TMEM184B: variants seen among roughly 807,000 people sequenced by gnomAD.
The protein encoded by TMEM184B is transmembrane protein 184B.
In TMEM184B, 17 loss-of-function variants were observed where a neutral mutation model predicts 41.8. The ratio of observed to expected loss-of-function variants is 0.41; its 90% CI spans 0.28 to 0.61. TMEM184B has a LOEUF of 0.61. TMEM184B is among the 20% of genes least tolerant of loss of function. The pLI is 0.34. For missense variants in TMEM184B, 393 were observed against 557.8 expected, an observed-to-expected ratio of 0.70 and a Z score of 2.98; for synonymous variants, 240 against 229.5, an observed-to-expected ratio of 1.05 and a Z score of -0.41.
At position 38,220,564 on chromosome 22, in the gene TMEM184B, A is replaced by G; in HGVS notation, c.*905T>C. On this transcript the variant is annotated 3_prime_UTR_variant, in exon 9 of 9. Transcript: ENST00000361906. ...AAGCTGGTCTGAAACGTGGAGACTC[A>G]GACCTTTCCCCTGAAACGGGAGGGA... 1 of 985,954 alleles carries G rather than the reference A, an allele frequency of 1.0e-6. No homozygotes were observed. The highest frequency in any genetic ancestry group is 1.7e-5 in the African/African-American group (1 of 57,360). 61.1% of individuals were successfully genotyped at this position (985,954 alleles called of 1,614,324 possible).
chr22:38,272,834 G>A, intron 1 of TMEM184B, 50 bp downstream of exon 1: 1 of 981,738 alleles, frequency 1.0e-6, no homozygotes, highest in Non-Finnish European at 1.2e-6. Context: ...GCGCTCGGGA[G>A]TCGCAGCTCC....
intron 1 of TMEM184B, among the ~76,000 whole-genome samples, chr22:38,256,609 C>A (rs1357100175): frequency 6.6e-6 from 1 of 152,210 alleles, no homozygotes; most frequent in East Asian, 1.9e-4. Flanking sequence ...TCTTACTACA[C>A]ATTTCATAGA....
At chr22:38,241,253 CTGGT>C (rs1408110024) in intron 3 of TMEM184B, among the ~76,000 whole-genome samples, 2 of 152,128 alleles carry the variant, frequency 1.3e-5, no homozygotes, top group African/African-American at 2.4e-5. Flanking sequence ...GAGAGCAGGG[CTGGT>C]TGGTTGGTTT....
intron 1 of TMEM184B, among the ~76,000 whole-genome samples, chr22:38,254,935 T>G (rs1354487119): frequency 6.8e-6 from 1 of 147,684 alleles, no homozygotes; most frequent in Non-Finnish European, 1.5e-5. Flanking sequence ...CACTGCAACC[T>G]CTACCTCCCG....
chr22:38,257,618 C>T (rs1239594909), intron 1 of TMEM184B, among the ~76,000 whole-genome samples: 1 of 152,090 alleles, frequency 6.6e-6, no homozygotes, highest in African/African-American at 2.4e-5. Context: ...GTTTCTGTAC[C>T]GTCAACAAAG....
chr22:38,244,882 G>C (rs2091989669), intron 3 of TMEM184B, among the ~76,000 whole-genome samples: 1 of 152,228 alleles, frequency 6.6e-6, no homozygotes, highest in African/African-American at 2.4e-5. Flanking sequence ...TCAGAGGCCA[G>C]CTCCCATGAG....
At position 38,247,863 on chromosome 22, in the gene TMEM184B, A is replaced by G. The variant is rs2092071445; in HGVS notation, c.99T>C (p.Thr33=). The G allele has an allele frequency of 1.2e-6, 2 of 1,613,464 alleles. No individual in the cohort carries two copies. Among genetic ancestry groups the G allele is most frequent in the East Asian group, 4.5e-5 (2 of 44,848 alleles). Residue 33 remains threonine (T), a synonymous_variant, in exon 2 of 9, where the codon ACT becomes ACC. Coordinates refer to ENST00000361906, the MANE Select transcript of TMEM184B (RefSeq NM_012264.5). ...SVSVIPEGSP[T]AMEQPVFLMT... ...TCAGGAACACAGGCTGCTCCATGGC[A>G]GTGGGGCTGCCCTCGGGGATCACGG... is the stretch of plus-strand genomic sequence containing the variant.
At chr22:38,246,261 T>C (rs2092028234) in intron 2 of TMEM184B, among the ~76,000 whole-genome samples, 161 bp from the exon 3 acceptor site, 1 of 152,146 alleles carries the variant, frequency 6.6e-6, no homozygotes, top group South Asian at 2.1e-4. Context: ...ATGACAGGAC[T>C]TGCCTCCCAA....
intron 3 of TMEM184B, among the ~76,000 whole-genome samples, chr22:38,237,831 G>A (rs1295332554): frequency 1.4e-5 from 2 of 146,156 alleles, no homozygotes; most frequent in South Asian, 2.1e-4. Flanking sequence ...ACGGAGTTTC[G>A]CTCTTGTTGC....
chr22:38,268,430 G>A (rs1460959478), intron 1 of TMEM184B, among the ~76,000 whole-genome samples: 2 of 150,754 alleles, frequency 1.3e-5, no homozygotes, highest in East Asian at 1.9e-4. Context: ...GTTAGTACCT[G>A]CACCACATTA....
chr22:38,218,568 G>C (rs1166418785), downstream of TMEM184B, among the ~76,000 whole-genome samples: 5 of 152,114 alleles, frequency 3.3e-5, no homozygotes, highest in East Asian at 7.7e-4. Flanking sequence ...CCAGTTGGGC[G>C]AAGGTGCAGG....
At position 38,224,922 on chromosome 22, in the gene TMEM184B, C is replaced by T. The variant is rs370107940; in HGVS notation, c.845G>A (p.Arg282His). 215 of 1,609,748 alleles carry T rather than the reference C, an allele frequency of 1.3e-4. 4 individuals are homozygous for T. The South Asian group carries it at 1.7e-3, about 13-fold the overall frequency. ...CGAIPKIHSA[R>H]VSVGEGTVAA... ...CACGGTGCCCTCGCCCACCGACACG[C>T]GGGCCGAGTGGATTTTGGGGATGGC... is the stretch of plus-strand genomic sequence containing the variant. The change falls in exon 8 of 9, where the codon CGC becomes CAC. Residue 282 changes from arginine to histidine, a missense_variant. Coordinates refer to ENST00000361906, the MANE Select transcript of TMEM184B (RefSeq NM_012264.5).
chr22:38,272,224 G>C (rs775072249), intron 1 of TMEM184B, among the ~76,000 whole-genome samples: 1 of 152,226 alleles, frequency 6.6e-6, no homozygotes, highest in Non-Finnish European at 1.5e-5. Context: ...CCCAGCACTG[G>C]AGGTAAGTGG....
At chr22:38,234,069 G>T (rs190061537) in intron 3 of TMEM184B, among the ~76,000 whole-genome samples, 2 of 69,986 alleles carry the variant, frequency 2.9e-5, no homozygotes, top group African/African-American at 1.2e-4. Context: ...GCGCCCGGCC[G>T]ACGGTTGCAT....
chr22:38,227,078 T>G (rs1602374896), intron 5 of TMEM184B, among the ~76,000 whole-genome samples: 2 of 135,068 alleles, frequency 1.5e-5, no homozygotes, highest in Non-Finnish European at 3.2e-5. Context: ...AGATGGGGGG[T>G]GGCTACGTGT....
At chr22:38,264,056 C>T (rs1360699719) in intron 1 of TMEM184B, among the ~76,000 whole-genome samples, 3 of 152,324 alleles carry the variant, frequency 2.0e-5, no homozygotes, top group East Asian at 1.9e-4. Context: ...CTGCCCACCT[C>T]GGCCTCCCAA....
intron 3 of TMEM184B, among the ~76,000 whole-genome samples, chr22:38,243,940 G>A (rs1433178451): frequency 6.6e-6 from 1 of 152,114 alleles, no homozygotes; most frequent in African/African-American, 2.4e-5. Flanking sequence ...GGACCTGGAT[G>A]GGTGCTGGGA....
At chr22:38,245,894 CA>C in intron 3 of TMEM184B, 40 bp downstream of exon 3, 20 of 1,207,374 alleles carry the variant, frequency 1.7e-5, no homozygotes, top group Middle Eastern at 2.8e-4. Flanking sequence ...CCCAGCCCCC[CA>C]GCCCCCCGCC....
intron 5 of TMEM184B, among the ~76,000 whole-genome samples, chr22:38,229,617 T>C (rs2091554382): frequency 1.3e-5 from 2 of 148,164 alleles, no homozygotes; most frequent in South Asian, 4.3e-4. Flanking sequence ...GCAGCTGGAT[T>C]GCCAAGGCTA....
Sources: gnomAD v4.1 joint callset for allele counts (sites outside exome capture counted in the v4.1 genomes callset) on GRCh38, gnomAD v4.1.1 for gene constraint, MANE v1.5 for transcripts, NCBI Gene and HGNC (gene_info 2026-07-23, HGNC 2026-07-21) for gene names.